SH2D4A: variants seen among roughly 807,000 people sequenced by gnomAD.
SH2D4A encodes SH2 domain containing 4A.
In SH2D4A, 70 loss-of-function variants were observed where a neutral mutation model predicts 64.7. The ratio of observed to expected loss-of-function variants is 1.08; its 90% CI spans 0.89 to 1.32. The LOEUF is 1.32. Ranked by LOEUF, SH2D4A falls within the 40% of genes most tolerant of loss-of-function variation. The probability of loss-of-function intolerance (pLI) is 0.00; values close to 1 mark genes in which losing one functional copy is unlikely to be tolerated. For synonymous variants in SH2D4A, 268 were observed against 200.7 expected, an observed-to-expected ratio of 1.34 and a Z score of -2.83; for missense variants, 706 against 540.1, an observed-to-expected ratio of 1.31 and a Z score of -3.04.
intron 7 of SH2D4A, among the ~76,000 whole-genome samples, chr8:19,370,561 T>C (rs1219070368): frequency 6.6e-6 from 1 of 152,092 alleles, no homozygotes; most frequent in Non-Finnish European, 1.5e-5. Context: ...ACTCCTGTTG[T>C]CTTTTGGTTT....
At position 19,337,427 on chromosome 8, in the gene SH2D4A, A is replaced by G. The variant is rs563448566; in HGVS notation, c.513+2570A>G. 3.3e-5 allele frequency among the ~76,000 whole-genome samples: 5 copies of G among 152,298 alleles called. 1 individual carries two copies. The highest frequency in any genetic ancestry group is 1.2e-4 in the African/African-American group (5 of 41,572). On this transcript the variant is annotated intron_variant, in intron 4 of 9. Transcript: ENST00000265807. ...CCTCAGAATGTGAGCTTATTTGGAA[A>G]TAGATCTTTGCAGATGTAATTAAAG...
At chr8:19,367,119 G>A (rs983444317) in intron 7 of SH2D4A, among the ~76,000 whole-genome samples, 6 of 151,580 alleles carry the variant, frequency 4.0e-5, no homozygotes, top group Non-Finnish European at 7.4e-5. Context: ...ATATTCTATT[G>A]TGTATATACA....
intron 4 of SH2D4A, among the ~76,000 whole-genome samples, chr8:19,342,120 T>C (rs2052539038): frequency 6.6e-6 from 1 of 152,166 alleles, no homozygotes; most frequent in South Asian, 2.1e-4. Flanking sequence ...CCAGAAGAAG[T>C]CCAAATAATG....
At position 19,364,210 on chromosome 8, in the gene SH2D4A, A is replaced by C; in HGVS notation, c.845A>C (p.Lys282Thr). Residue 282 changes from lysine to threonine, a missense_variant, in exon 7 of 10, where the codon AAA becomes ACA. By Grantham distance (78) the Lys-to-Thr change is moderately conservative (BLOSUM62 -1). Transcript: ENST00000265807. ...CAAAGCCCCTTGCGTGTTCCGCAGAAACCAGAAAGACCTCCCCTTCCACCC... is the reference window on the plus strand; with the variant it reads ...CAAAGCCCCTTGCGTGTTCCGCAGACACCAGAAAGACCTCCCCTTCCACCC... ...RLQSPLRVPQKPERPPLPPKP... is the reference protein window; with the variant it reads ...RLQSPLRVPQTPERPPLPPKP... 1.2e-6 allele frequency: 2 copies of C among 1,614,172 alleles called. 1 individual carries two copies. Among genetic ancestry groups the C allele is most frequent in the South Asian group, 2.2e-5 (2 of 91,086 alleles).
At chr8:19,343,293 C>G (rs1379024979) in intron 4 of SH2D4A, among the ~76,000 whole-genome samples, 1 of 152,072 alleles carries the variant, frequency 6.6e-6, no homozygotes, top group African/African-American at 2.4e-5. Flanking sequence ...AATAGCAGGA[C>G]ATGCTGGTGC....
Position 19,313,730 on chromosome 8 carries a change from C to T in SH2D4A, c.-298C>T. 6.6e-7 allele frequency: 1 copy of T among 1,506,782 alleles called. No individual in the cohort carries two copies. Among genetic ancestry groups the T allele is most frequent in the East Asian group, 2.8e-5 (1 of 36,338 alleles). The allele number at this position is 1,506,782 out of a possible 1,614,324, so 93.3% of individuals were successfully genotyped here. On this transcript the variant is annotated 5_prime_UTR_variant, in exon 1 of 10. Transcript: ENST00000265807. ...CCCGCCTGCGCCGCTTGGGACGCCTCTGCCTTTCCCTCCCTCCCTTCCCCG... is the reference window on the plus strand; with the variant it reads ...CCCGCCTGCGCCGCTTGGGACGCCTTTGCCTTTCCCTCCCTCCCTTCCCCG...
intron 4 of SH2D4A, among the ~76,000 whole-genome samples, chr8:19,344,563 G>C (rs2052582123): frequency 6.6e-6 from 1 of 152,152 alleles, no homozygotes; most frequent in African/African-American, 2.4e-5. Flanking sequence ...GTTAATCCTG[G>C]ATAATCTCAT....
intron 4 of SH2D4A, among the ~76,000 whole-genome samples, chr8:19,342,274 T>C (rs1305717126): frequency 6.6e-6 from 1 of 152,234 alleles, no homozygotes; most frequent in Admixed American, 6.5e-5. Context: ...AGCAAACATG[T>C]AGTCAGAGTC....
At position 19,394,119 on chromosome 8, in the gene SH2D4A, A is replaced by G. The variant is rs541425251; in HGVS notation, c.1273-431A>G. 3.9e-5 allele frequency among the ~76,000 whole-genome samples: 6 copies of G among 152,304 alleles called. No individual in the cohort carries two copies. In the South Asian group the frequency reaches 1.2e-3, roughly 32 times the overall value. ...GGAGCGCACAACTGAGATCCCTCCC[A>G]TGCACAGTTCACAATAAGGTTTGTG... On this transcript the variant is annotated intron_variant, in intron 9 of 9. Coordinates refer to ENST00000265807, the MANE Select transcript of SH2D4A (RefSeq NM_022071.4).
At chr8:19,319,840 A>C in intron 2 of SH2D4A, 112 bp downstream of exon 2, 1 of 1,093,232 alleles carries the variant, frequency 9.1e-7, no homozygotes, top group Non-Finnish European at 1.3e-6. Context: ...AGTTTGGCAG[A>C]TGAATCCTAA....
At chr8:19,337,319 C>G (rs989944312) in intron 4 of SH2D4A, among the ~76,000 whole-genome samples, 1 of 152,050 alleles carries the variant, frequency 6.6e-6, no homozygotes, top group Admixed American at 6.6e-5. Context: ...CTCGATGGTA[C>G]ATTTATATTT....
In SH2D4A at chr8:19,332,934, TG is replaced by T; in HGVS notation, c.182-20del. 2 of 1,603,068 alleles carry T rather than the reference TG, an allele frequency of 1.2e-6. No homozygotes were observed. The highest frequency in any genetic ancestry group is 1.1e-5 in the South Asian group (1 of 88,454). Reference sequence around the variant, plus strand: ...AGATATTTGTTCAATCTGAATTTTTTGTTTGTGTGTTTGTTTGCAGAGAATG... The same window carrying T: ...AGATATTTGTTCAATCTGAATTTTTTTTTGTGTGTTTGTTTGCAGAGAATG... On this transcript the variant is annotated intron_variant, in intron 2 of 9. Transcript: ENST00000265807.
chr8:19,354,760 T>TA (rs1448063183), intron 4 of SH2D4A, among the ~76,000 whole-genome samples: 1 of 152,188 alleles, frequency 6.6e-6, no homozygotes, highest in Non-Finnish European at 1.5e-5. Flanking sequence ...CAGATGACAG[T>TA]AATTGGCGGG....
rs2052036023 is a variant in SH2D4A, at chr8:19,313,787, G to A, written c.-241G>A. On this transcript the variant is annotated 5_prime_UTR_variant, in exon 1 of 10. In the 5' UTR this introduces an upstream ATG that the reference lacks. Transcript: ENST00000265807. ...TCTGGCGGCCAAGTGGATGTGGCGGGTGATCGAGCCACCCTGCCCAGGGGC... is the reference window on the plus strand; with the variant it reads ...TCTGGCGGCCAAGTGGATGTGGCGGATGATCGAGCCACCCTGCCCAGGGGC... 2 of 1,513,372 alleles carry A rather than the reference G, an allele frequency of 1.3e-6. No homozygotes were observed. The highest frequency in any genetic ancestry group is 1.8e-6 in the Non-Finnish European group (2 of 1,136,222). 93.7% of individuals were successfully genotyped at this position (1,513,372 alleles called of 1,614,324 possible).
chr8:19,313,989 G>T (rs2052040822), intron 1 of SH2D4A, 166 bp downstream of exon 1: 3 of 1,251,324 alleles, frequency 2.4e-6, no homozygotes, highest in South Asian at 3.1e-5. Flanking sequence ...CGCCCGGGGC[G>T]GGCTCAGGTG....
intron 2 of SH2D4A, among the ~76,000 whole-genome samples, chr8:19,328,997 C>A (rs1476085175): frequency 6.6e-6 from 1 of 152,190 alleles, no homozygotes; most frequent in Non-Finnish European, 1.5e-5. Flanking sequence ...TGGCTCTCTG[C>A]TCCCCTGTGT....
rs2052156251 is a variant in SH2D4A, at chr8:19,319,759, T to G, written c.181+31T>G. ...CTTATCCACGTTTCTTCTGTGGATG[T>G]GTTGGTAGAACAGCTCCTGGCTTGC... is the stretch of plus-strand genomic sequence containing the variant. On this transcript the variant is annotated intron_variant, in intron 2 of 9. Transcript: ENST00000265807. 5 of 1,532,864 alleles carry G rather than the reference T, an allele frequency of 3.3e-6. No homozygotes were observed. The East Asian group carries it at 1.2e-4, about 36-fold the overall frequency. 95.0% of individuals were successfully genotyped at this position (1,532,864 alleles called of 1,614,324 possible).
Position 19,319,516 on chromosome 8 carries a change from C to G in SH2D4A, c.-32C>G. ...TGGAGGCCAGTTTCAGGAACTTTTG[C>G]CACAAGTATAAAAGACTTCAGAAGT... On this transcript the variant is annotated 5_prime_UTR_variant, in exon 2 of 10. Transcript: ENST00000265807. The G allele has an allele frequency of 7.0e-7, 1 of 1,420,840 alleles. No homozygotes were observed. The highest frequency in any genetic ancestry group is 1.5e-5 in the African/African-American group (1 of 68,134). 88.0% of individuals were successfully genotyped at this position (1,420,840 alleles called of 1,614,324 possible). A position where few individuals can be genotyped will look rare whatever the true frequency, so the allele number is the denominator to read the frequency against.
chr8:19,364,359 T>G (rs781187305), intron 7 of SH2D4A, 77 bp downstream of exon 7: 1 of 1,512,476 alleles, frequency 6.6e-7, no homozygotes, highest in Non-Finnish European at 9.0e-7. Context: ...AAAGGGGAAT[T>G]GTATGAGCTG....
Sources: allele counts gnomAD v4.1 joint callset (sites outside exome capture counted in the v4.1 genomes callset), GRCh38; gene constraint gnomAD v4.1.1; transcripts MANE v1.5; gene names NCBI Gene and HGNC (gene_info 2026-07-23, HGNC 2026-07-21).